TMEM131: variants seen among roughly 807,000 people sequenced by gnomAD.
TMEM131 encodes 2610524E03Rik.
A neutral mutation model predicts 211.6 loss-of-function variants in TMEM131; 66 were observed. That is an observed-to-expected ratio of 0.31 (90% CI 0.26 to 0.38). The LOEUF is 0.38. TMEM131 is among the 10% of genes least tolerant of loss of function. The pLI, the probability that TMEM131 is intolerant of heterozygous loss-of-function variation, is 1.00. For synonymous variants in TMEM131, 844 were observed against 841.3 expected (o/e 1.00, Z -0.06); for missense variants, 2,036 against 2,299.3 (o/e 0.89, Z 2.34).
At chr2:97,839,312 AAACCAACCAACCAACCAACCAACC>A (rs56114114) in intron 7 of TMEM131, among the ~76,000 whole-genome samples, 10 of 148,568 alleles carry the variant, frequency 6.7e-5, no homozygotes, top group Admixed American at 4.7e-4. Flanking sequence ...GGTGTCTGGA[AAACCAACCAACCAACCAACCAACC>A]AACCAACCAA....
chr2:97,913,924 G>A (rs1400672371), intron 2 of TMEM131, among the ~76,000 whole-genome samples: 1 of 152,162 alleles, frequency 6.6e-6, no homozygotes, highest in South Asian at 2.1e-4. Flanking sequence ...TGCAGGCGAT[G>A]AGACTATGCT....
At chr2:97,959,162 G>A (rs1300223278) in intron 1 of TMEM131, among the ~76,000 whole-genome samples, 1 of 152,208 alleles carries the variant, frequency 6.6e-6, no homozygotes, top group Non-Finnish European at 1.5e-5. Context: ...GAAAACAGGA[G>A]AAGAGAAAGG....
chr2:97,837,179 T>A, intron 7 of TMEM131, 22 bp from the exon 8 acceptor site: 2 of 1,562,158 alleles, frequency 1.3e-6, no homozygotes, highest in Non-Finnish European at 1.7e-6. Flanking sequence ...GAGCACATGA[T>A]GGCTACGTTC....
rs755460832 is a variant in TMEM131, at chr2:97,766,617, G to A, written c.4449-15C>T. 2 of 1,612,352 alleles carry A rather than the reference G, an allele frequency of 1.2e-6. No homozygotes were observed. The highest frequency in any genetic ancestry group is 2.2e-5 in the East Asian group (1 of 44,824). On this transcript the variant is annotated splice_polypyrimidine_tract_variant and intron_variant, in intron 33 of 40. Transcript: ENST00000186436. ...GTTCTAATGAACTGAAAGACAATCA[G>A]GGATGGAAAATACAAATTTATTCCT...
At chr2:97,758,770 C>A in intron 40 of TMEM131, 123 bp downstream of exon 40, 1 of 1,295,670 alleles carries the variant, frequency 7.7e-7, no homozygotes, top group Non-Finnish European at 1.0e-6. Context: ...AAAGTACTAA[C>A]CCACCCCTCT....
At position 97,943,007 on chromosome 2, in the gene TMEM131, GAAAGAAAAGA is replaced by G. The variant is rs779189031; in HGVS notation, c.188-15530_188-15521del. On this transcript the variant is annotated intron_variant, in intron 1 of 40. Transcript: ENST00000186436. ...AAGAAAAGAAAGAAAAGAAAGAAAA[GAAAGAAAAGA>G]AAAGAAAAGAAAAGAAAAGAAAAGA... is the stretch of plus-strand genomic sequence containing the variant. Among the ~76,000 whole-genome samples the G allele has an allele frequency of 2.2e-3, 141 of 63,088 alleles. 2 individuals are homozygous for G. Among genetic ancestry groups the G allele is most frequent in the South Asian group, 8.6e-3 (20 of 2,332 alleles). The allele number at this position is 63,088 out of a possible 152,430, so 41.4% of individuals were successfully genotyped here.
At chr2:97,860,696 G>A (rs1343072653) in intron 4 of TMEM131, among the ~76,000 whole-genome samples, 1 of 152,210 alleles carries the variant, frequency 6.6e-6, no homozygotes, top group Non-Finnish European at 1.5e-5. Context: ...TGGAATGCAG[G>A]TGGAAGGGCA....
chr2:97,769,651 C>T (rs1344396712), intron 33 of TMEM131, among the ~76,000 whole-genome samples: 4 of 152,182 alleles, frequency 2.6e-5, no homozygotes, highest in South Asian at 4.1e-4. Context: ...TAGATTATTA[C>T]ATTTATGTAA....
intron 36 of TMEM131, 198 bp downstream of exon 36, chr2:97,761,837 C>G: frequency 1.8e-6 from 1 of 547,370 alleles, no homozygotes; most frequent in Non-Finnish European, 3.1e-6. Flanking sequence ...AGAATGGGAA[C>G]CGGGTTACTG....
At chr2:97,774,945 C>T (rs1347858335) in intron 32 of TMEM131, among the ~76,000 whole-genome samples, 3 of 152,170 alleles carry the variant, frequency 2.0e-5, no homozygotes, top group African/African-American at 2.4e-5. Flanking sequence ...AAGTAAGTTA[C>T]ATATACATTT....
At chr2:97,831,728 G>A (rs1353858361) in intron 11 of TMEM131, among the ~76,000 whole-genome samples, 2 of 129,156 alleles carry the variant, frequency 1.5e-5, no homozygotes, top group African/African-American at 3.0e-5. Flanking sequence ...GGAGCACAGC[G>A]GCGTGATCTT....
chr2:97,947,770 G>A (rs1373810246), intron 1 of TMEM131, among the ~76,000 whole-genome samples: 1 of 152,102 alleles, frequency 6.6e-6, no homozygotes, highest in Non-Finnish European at 1.5e-5. Context: ...AAGATTGGAG[G>A]ACTCAACATT....
At chr2:97,923,809 C>T (rs551633854) in intron 2 of TMEM131, among the ~76,000 whole-genome samples, 1 of 152,058 alleles carries the variant, frequency 6.6e-6, no homozygotes, top group African/African-American at 2.4e-5. Context: ...TTAGATTAGG[C>T]CGGGCGCAGT....
intron 1 of TMEM131, among the ~76,000 whole-genome samples, chr2:97,944,660 T>C (rs1677950266): frequency 6.6e-6 from 1 of 152,130 alleles, no homozygotes; most frequent in South Asian, 2.1e-4. Flanking sequence ...GGAAACTGAC[T>C]AGACATTTCT....
intron 11 of TMEM131, among the ~76,000 whole-genome samples, chr2:97,822,051 C>T (rs1334377257): frequency 2.6e-5 from 4 of 152,176 alleles, no homozygotes; most frequent in African/African-American, 9.7e-5. Flanking sequence ...CTGACCCTTG[C>T]CCCCTGGGTC....
chr2:97,969,140 GACAA>G (rs1188680534), intron 1 of TMEM131, among the ~76,000 whole-genome samples: 7 of 151,712 alleles, frequency 4.6e-5, no homozygotes, highest in African/African-American at 1.2e-4. Flanking sequence ...TAATTCAGCT[GACAA>G]ACTAACTCAT....
chr2:97,853,542 G>C (rs754763197), intron 5 of TMEM131, among the ~76,000 whole-genome samples: 2 of 151,140 alleles, frequency 1.3e-5, no homozygotes, highest in Non-Finnish European at 2.9e-5. Flanking sequence ...GGAGGCGGAG[G>C]TTGCAGTGAG....
At chr2:97,785,749 C>G (rs1283057725) in intron 31 of TMEM131, among the ~76,000 whole-genome samples, 1 of 152,138 alleles carries the variant, frequency 6.6e-6, no homozygotes, top group Non-Finnish European at 1.5e-5. Context: ...ATAACAGCCC[C>G]AAATTAGACA....
intron 31 of TMEM131, among the ~76,000 whole-genome samples, chr2:97,784,170 A>G (rs1287851968): frequency 6.6e-6 from 1 of 152,120 alleles, no homozygotes; most frequent in Non-Finnish European, 1.5e-5. Context: ...ACAGTATAAC[A>G]ACTAGACAGA....
Sources: gnomAD v4.1 joint callset for allele counts (sites outside exome capture counted in the v4.1 genomes callset) on GRCh38, gnomAD v4.1.1 for gene constraint, MANE v1.5 for transcripts, NCBI Gene and HGNC (gene_info 2026-07-23, HGNC 2026-07-21) for gene names.